SEMA6A: variants seen among roughly 807,000 people sequenced by gnomAD.
SEMA6A encodes semaphorin 6A, also known as semaphorin-6A.
SEMA6A carries 25 observed loss-of-function variants against 96.8 expected under a neutral mutation model. That is an observed-to-expected ratio of 0.26 (90% CI 0.19 to 0.36). SEMA6A has a LOEUF of 0.36. Ranked by LOEUF, SEMA6A falls within the 10% of genes least tolerant of loss-of-function variation. SEMA6A has a pLI of 1.00. For synonymous variants in SEMA6A, 612 were observed against 518.0 expected, an observed-to-expected ratio of 1.18 and a Z score of -2.46; for missense variants, 1,363 against 1,323.1, an observed-to-expected ratio of 1.03 and a Z score of -0.47.
intron 1 of SEMA6A, among the ~76,000 whole-genome samples, chr5:116,530,984 A>G (rs1759444099): frequency 6.6e-6 from 1 of 152,170 alleles, no homozygotes; most frequent in Non-Finnish European, 1.5e-5. Flanking sequence ...ACAGATAAGG[A>G]GACTTCCCAA....
At chr5:116,467,851 A>G in intron 17 of SEMA6A, 104 bp from the exon 18 acceptor site, 3 of 1,142,356 alleles carry the variant, frequency 2.6e-6, no homozygotes, top group Non-Finnish European at 3.7e-6. Context: ...TGTAAGACTG[A>G]GAGGAGATGG....
intron 1 of SEMA6A, among the ~76,000 whole-genome samples, chr5:116,528,425 C>T (rs1216278255): frequency 6.6e-6 from 1 of 152,142 alleles, no homozygotes; most frequent in African/African-American, 2.4e-5. Context: ...GCTGATACTG[C>T]AGAAGCAGTT....
At chr5:116,485,810 TA>T (rs1166103992) in intron 10 of SEMA6A, among the ~76,000 whole-genome samples, 1 of 152,226 alleles carries the variant, frequency 6.6e-6, no homozygotes, top group Non-Finnish European at 1.5e-5. Flanking sequence ...TGCATGAATT[TA>T]GATTTCACGA....
At chr5:116,571,791 A>C (rs1386257110) in intron 1 of SEMA6A, among the ~76,000 whole-genome samples, 1 of 152,222 alleles carries the variant, frequency 6.6e-6, no homozygotes, top group African/African-American at 2.4e-5. Context: ...GTAAATCATA[A>C]AACTGCTCCA....
At chr5:116,533,061 T>C (rs1334511466) in intron 1 of SEMA6A, among the ~76,000 whole-genome samples, 1 of 152,188 alleles carries the variant, frequency 6.6e-6, no homozygotes, top group Non-Finnish European at 1.5e-5. Context: ...TGTTTGAAAA[T>C]AAATCCTATC....
At chr5:116,473,199 C>T (rs900117248) in intron 16 of SEMA6A, 106 bp from the exon 17 acceptor site, 7 of 1,064,104 alleles carry the variant, frequency 6.6e-6, no homozygotes, top group Non-Finnish European at 9.8e-6. Context: ...AGCGTATGGT[C>T]CCCGATACTA....
intron 1 of SEMA6A, chr5:116,562,991 G>C: frequency 3.6e-6 from 2 of 557,178 alleles, no homozygotes; most frequent in Non-Finnish European, 6.9e-6. Context: ...AGGAAGGGGG[G>C]TCGCCGTGGT....
chr5:116,483,501 G>A (rs778847177), intron 10 of SEMA6A, among the ~76,000 whole-genome samples: 11 of 152,132 alleles, frequency 7.2e-5, no homozygotes, highest in Admixed American at 5.2e-4. Context: ...ATCATCCAGG[G>A]CAGGGAATAT....
chr5:116,477,929 G>A lies in SEMA6A; in HGVS notation c.1569-3C>T. ...GGTCTCTGGAGGCAATACAGGTTCT[G>A]CAGGAAGAGGATGACCATGAGCTAC... On this transcript the variant is annotated splice_polypyrimidine_tract_variant and splice_region_variant and intron_variant, in intron 14 of 18. Transcript: ENST00000343348. 6.2e-7 allele frequency: 1 copy of A among 1,613,976 alleles called. No individual in the cohort carries two copies.
intron 1 of SEMA6A, among the ~76,000 whole-genome samples, chr5:116,510,692 C>T (rs1305660214): frequency 6.6e-6 from 1 of 152,090 alleles, no homozygotes; most frequent in African/African-American, 2.4e-5. Flanking sequence ...AGAGAAGTCT[C>T]CTTCTCTCCC....
At chr5:116,511,588 T>C (rs1016877649) in intron 1 of SEMA6A, among the ~76,000 whole-genome samples, 4 of 152,218 alleles carry the variant, frequency 2.6e-5, no homozygotes, top group Admixed American at 2.6e-4. Flanking sequence ...TCTATGCTTA[T>C]GTGGACGAAG....
At chr5:116,476,117 T>G (rs1017740018) in intron 15 of SEMA6A, among the ~76,000 whole-genome samples, 7 of 152,118 alleles carry the variant, frequency 4.6e-5, no homozygotes, top group African/African-American at 1.7e-4. Flanking sequence ...TGGTGCATTT[T>G]GTGGAGACTG....
chr5:116,546,264 G>C (rs1760181165), intron 1 of SEMA6A, among the ~76,000 whole-genome samples: 1 of 152,208 alleles, frequency 6.6e-6, no homozygotes, highest in Admixed American at 6.5e-5. Flanking sequence ...AGAGTCACAG[G>C]CTTGTAAAGG....
At position 116,446,584 on chromosome 5, in the gene SEMA6A, G is replaced by A. The variant is rs1228218595; in HGVS notation, c.*29C>T. ...AGCGGGCACCTCGCCTTGCCTGCTGGTTCGACACCTGACCCCCTCCCCCTG... is the reference window on the plus strand; with the variant it reads ...AGCGGGCACCTCGCCTTGCCTGCTGATTCGACACCTGACCCCCTCCCCCTG... On this transcript the variant is annotated 3_prime_UTR_variant, in exon 19 of 19. Coordinates refer to ENST00000343348, the MANE Select transcript of SEMA6A (RefSeq NM_020796.5). The A allele has an allele frequency of 1.2e-5, 17 of 1,454,772 alleles. No homozygotes were observed. In the South Asian group the frequency reaches 2.2e-4, roughly 19 times the overall value. 90.1% of individuals were successfully genotyped at this position (1,454,772 alleles called of 1,614,324 possible).
chr5:116,449,455 C>T, intron 18 of SEMA6A: 6 of 667,966 alleles, frequency 9.0e-6, no homozygotes, highest in Non-Finnish European at 1.6e-5. Flanking sequence ...CTTCCCAAGC[C>T]CACAACACGC....
chr5:116,502,475 T>C (rs920879008), intron 2 of SEMA6A, 148 bp from the exon 3 acceptor site: 2 of 625,108 alleles, frequency 3.2e-6, no homozygotes, highest in African/African-American at 3.7e-5. Context: ...GAGTCTGTTA[T>C]TTTAGGAAAT....
At chr5:116,480,427 A>G (rs1756692440) in intron 11 of SEMA6A, 150 bp from the exon 12 acceptor site, 2 of 911,746 alleles carry the variant, frequency 2.2e-6, no homozygotes, top group African/African-American at 3.3e-5. Flanking sequence ...AATGCCACCA[A>G]GCACAATATG....
In SEMA6A at chr5:116,446,989, A is replaced by C; in HGVS notation, c.2717T>G (p.Met906Arg). The change falls in exon 19 of 19, where the codon ATG (methionine) becomes AGG (arginine). Residue 906 changes from methionine to arginine, a missense_variant. Met to Arg is a moderately conservative substitution (Grantham distance 91). Coordinates refer to ENST00000343348, the MANE Select transcript of SEMA6A (RefSeq NM_020796.5). The part of the protein sequence containing the change: ...SQTGLSKRLE[M>R]HHSSSYGVDY... The stretch of plus-strand genomic sequence containing the variant: ...AACCCCGTAGGAAGAGGAGTGGTGC[A>C]TTTCCAGCCGCTTGCTTAGACCGGT... 1 of 1,613,782 alleles carries C rather than the reference A, an allele frequency of 6.2e-7. No homozygotes were observed. The highest frequency in any genetic ancestry group is 8.5e-7 in the Non-Finnish European group (1 of 1,179,848).
chr5:116,471,438 T>C (rs1017599245), intron 17 of SEMA6A: 10 of 152,200 alleles, frequency 6.6e-5, no homozygotes, highest in African/African-American at 2.4e-4. Context: ...CGTTTCAAGA[T>C]CTTAATTTCT....
Sources: allele counts gnomAD v4.1 joint callset (sites outside exome capture counted in the v4.1 genomes callset), GRCh38; gene constraint gnomAD v4.1.1; transcripts MANE v1.5; gene names NCBI Gene and HGNC (gene_info 2026-07-23, HGNC 2026-07-21).